The following DOCK2 variants were observed in gnomAD, a reference collection of about 807,000 sequenced individuals.
DOCK2 encodes the protein dedicator of cytokinesis 2.
DOCK2 carries 87 observed loss-of-function variants against 248.9 expected under a neutral mutation model. The ratio of observed to expected loss-of-function variants is 0.35; its 90% CI spans 0.29 to 0.42. The LOEUF (loss-of-function observed/expected upper bound fraction) is 0.42. Ranked by LOEUF, DOCK2 falls within the 10% of genes least tolerant of loss-of-function variation. The probability of loss-of-function intolerance (pLI) is 1.00; values close to 1 mark genes in which losing one functional copy is unlikely to be tolerated. For missense variants in DOCK2, 1,747 were observed against 2,300.2 expected (o/e 0.76, Z 4.92); for synonymous variants, 805 against 821.6 (o/e 0.98, Z 0.35).
intron 8 of DOCK2, among the ~76,000 whole-genome samples, chr5:169,688,273 G>A (rs566817984): frequency 3.3e-5 from 5 of 152,306 alleles, no homozygotes; most frequent in Admixed American, 2.6e-4. Context: ...CTGCCTCGTG[G>A]CCTTTACTCA....
At chr5:169,738,149 A>G (rs1314785032) in intron 22 of DOCK2, among the ~76,000 whole-genome samples, 1 of 152,172 alleles carries the variant, frequency 6.6e-6, no homozygotes, top group Non-Finnish European at 1.5e-5. Flanking sequence ...TTTGTTACAG[A>G]TGTCTTCTGT....
At chr5:169,991,937 G>A (rs1581510718) in intron 29 of DOCK2, among the ~76,000 whole-genome samples, 1 of 152,274 alleles carries the variant, frequency 6.6e-6, no homozygotes, top group Non-Finnish European at 1.5e-5. Context: ...AATGTTTGTA[G>A]AACTGTTAGC....
chr5:169,920,843 C>A (rs1432166151), intron 27 of DOCK2, among the ~76,000 whole-genome samples: 1 of 139,504 alleles, frequency 7.2e-6, no homozygotes, highest in African/African-American at 2.9e-5. Context: ...GTCTTTCTGA[C>A]CTCCACCCTA....
chr5:170,025,074 C>T (rs528239259), intron 33 of DOCK2, among the ~76,000 whole-genome samples: 103 of 152,330 alleles, frequency 6.8e-4, no homozygotes, highest in South Asian at 1.0e-3. Flanking sequence ...TAGTAACATT[C>T]GGCAGTAATA....
intron 44 of DOCK2, among the ~76,000 whole-genome samples, chr5:170,057,954 G>C (rs779041609): frequency 1.3e-5 from 2 of 152,094 alleles, no homozygotes; most frequent in Non-Finnish European, 2.9e-5. Context: ...GTGTAGCAGA[G>C]GGCCTGGAAC....
intron 8 of DOCK2, among the ~76,000 whole-genome samples, chr5:169,685,461 G>GACAT (rs1759912127): frequency 6.6e-6 from 1 of 152,180 alleles, no homozygotes; most frequent in South Asian, 2.1e-4. Flanking sequence ...TTTAGCCCAA[G>GACAT]ACATGGTCTC....
intron 25 of DOCK2, among the ~76,000 whole-genome samples, chr5:169,795,313 C>T (rs1766577991): frequency 6.6e-6 from 1 of 152,036 alleles, no homozygotes; most frequent in Non-Finnish European, 1.5e-5. Context: ...GAATTTTAAC[C>T]AGGTGCTGAG....
chr5:170,055,899 C>T (rs772155659), intron 42 of DOCK2, among the ~76,000 whole-genome samples: 7 of 152,252 alleles, frequency 4.6e-5, no homozygotes, highest in Non-Finnish European at 1.0e-4. Context: ...TGTTCTAGAT[C>T]AGATTGCAAA....
At chr5:169,989,898 C>T (rs1264986006) in intron 29 of DOCK2, among the ~76,000 whole-genome samples, 6 of 152,174 alleles carry the variant, frequency 3.9e-5, no homozygotes, top group Non-Finnish European at 2.9e-5. Context: ...AGCCAAACTA[C>T]TTCACTGAAG....
rs192506487 is a variant in DOCK2 at position 169,948,249 on chromosome 5, T to C, written c.2800-34819T>C. The stretch of plus-strand genomic sequence containing the variant: ...TGGGGAACAGTGCAGATGAAGGCCC[T>C]GCTCTCACAGAGCTTATATTTTAGT... On this transcript the variant is annotated intron_variant, in intron 27 of 51. Transcript: ENST00000520908. Among the ~76,000 whole-genome samples the C allele has an allele frequency of 6.3e-3, 964 of 152,334 alleles. 2 individuals are homozygous for C. The highest frequency in any genetic ancestry group is 0.01 in the Non-Finnish European group (710 of 68,032).
At chr5:169,637,870 A>C (rs1207593625) in intron 1 of DOCK2, among the ~76,000 whole-genome samples, 1 of 152,024 alleles carries the variant, frequency 6.6e-6, no homozygotes, top group African/African-American at 2.4e-5. Context: ...AGGGCAGCTC[A>C]AGCTTGGGGG....
intron 8 of DOCK2, among the ~76,000 whole-genome samples, chr5:169,688,411 A>G (rs947503976): frequency 2.0e-5 from 3 of 152,224 alleles, no homozygotes; most frequent in Non-Finnish European, 4.4e-5. Context: ...ACACATTCAT[A>G]CAACATCCTG....
At chr5:169,744,549 G>T (rs1763498614) in intron 22 of DOCK2, among the ~76,000 whole-genome samples, 1 of 151,970 alleles carries the variant, frequency 6.6e-6, no homozygotes, top group African/African-American at 2.4e-5. Flanking sequence ...AACCAGCCAG[G>T]GCTAGTCTAG....
chr5:169,940,263 C>G (rs1192096424), intron 27 of DOCK2, among the ~76,000 whole-genome samples: 1 of 152,340 alleles, frequency 6.6e-6, no homozygotes, highest in African/African-American at 2.4e-5. Context: ...GTGCCAGACT[C>G]TGATCACTCT....
chr5:169,991,905 A>T (rs1308140387), intron 29 of DOCK2, among the ~76,000 whole-genome samples: 2 of 152,208 alleles, frequency 1.3e-5, no homozygotes, highest in Non-Finnish European at 2.9e-5. Context: ...CTCCTATTTC[A>T]GTTTATAGAA....
rs140269098 is a variant in DOCK2, at chr5:169,764,395, G to A, written c.2554+2770G>A. ...GGAGAAGGGTTTACTGGTTAAGGAC[G>A]GTGGTTCTTGGGTCACACTAGACCC... On this transcript the variant is annotated intron_variant, in intron 25 of 51. Coordinates refer to ENST00000520908, the MANE Select transcript of DOCK2 (RefSeq NM_004946.3). The surrounding 1 kb of genome is among the most constrained non-coding windows in gnomAD (Gnocchi z 4.3). Among the ~76,000 whole-genome samples the A allele has an allele frequency of 2.6e-5, 4 of 152,274 alleles. No individual in the cohort carries two copies. Among genetic ancestry groups the A allele is most frequent in the Non-Finnish European group, 4.4e-5 (3 of 68,026 alleles).
At chr5:169,754,920 A>ATTTATTTATTTAT (rs1554097250) in intron 23 of DOCK2, among the ~76,000 whole-genome samples, 3 of 141,320 alleles carry the variant, frequency 2.1e-5, no homozygotes, top group Admixed American at 1.4e-4. Context: ...CCTATTTTTT[A>ATTTATTTATTTAT]TTATTTATTT....
At chr5:169,719,624 C>G (rs1224142149) in intron 22 of DOCK2, among the ~76,000 whole-genome samples, 1 of 152,216 alleles carries the variant, frequency 6.6e-6, no homozygotes, top group Non-Finnish European at 1.5e-5. Context: ...CTCTGTCTGT[C>G]TAGATCTGGA....
intron 26 of DOCK2, among the ~76,000 whole-genome samples, chr5:169,817,121 TA>T (rs1344403801): frequency 6.6e-6 from 1 of 152,214 alleles, no homozygotes; most frequent in African/African-American, 2.4e-5. Context: ...CTGCCTTTCC[TA>T]ATAGGCCCAA....
Sources: allele counts gnomAD v4.1 joint callset (sites outside exome capture counted in the v4.1 genomes callset), GRCh38; gene constraint gnomAD v4.1.1; non-coding constraint Gnocchi (gnomAD v3.1); transcripts MANE v1.5; gene names NCBI Gene and HGNC (gene_info 2026-07-23, HGNC 2026-07-21).